MALRD1: variants seen among roughly 807,000 people sequenced by gnomAD.
MALRD1 encodes the protein MAM and LDL receptor class A domain containing 1, also known as MAM and LDL-receptor class A domain-containing protein 1.
A neutral mutation model predicts 242.1 loss-of-function variants in MALRD1; 247 were observed. That is an observed-to-expected ratio of 1.02 (90% confidence interval 0.92 to 1.13). The LOEUF (loss-of-function observed/expected upper bound fraction) is 1.13, where lower values mean the gene tolerates loss of function less well. Ranked by LOEUF, MALRD1 falls within the 50% of genes most tolerant of loss-of-function variation. The pLI, the probability that MALRD1 is intolerant of heterozygous loss-of-function variation, is 0.00. For synonymous variants in MALRD1, 995 were observed against 866.6 expected (o/e 1.15, Z -2.60); for missense variants, 2,989 against 2,533.1 (o/e 1.18, Z -3.86).
At chr10:19,456,004 C>G (rs7100706) in intron 29 of MALRD1, among the ~76,000 whole-genome samples, 10,184 of 152,134 alleles carry the variant, frequency 0.067, 1,077 homozygotes, top group African/African-American at 0.23. Context: ...CCCAGGACCT[C>G]AGGGTAGAAT....
At chr10:19,176,219 C>A (rs1202730710) in intron 14 of MALRD1, among the ~76,000 whole-genome samples, 1 of 151,860 alleles carries the variant, frequency 6.6e-6, no homozygotes, top group African/African-American at 2.4e-5. Flanking sequence ...TTAGTGAGTG[C>A]AACAGTTGTA....
intron 21 of MALRD1, among the ~76,000 whole-genome samples, chr10:19,316,147 C>CTAAGGAGTTTCCTTAGTAA (rs1842697328): frequency 6.7e-6 from 1 of 149,630 alleles, no homozygotes; most frequent in African/African-American, 2.5e-5. Flanking sequence ...AGTAAATTTA[C>CTAAGGAGTTTCCTTAGTAA]ATAATTTACT....
chr10:19,168,196 G>A (rs1834780914), intron 13 of MALRD1, among the ~76,000 whole-genome samples: 1 of 152,116 alleles, frequency 6.6e-6, no homozygotes, highest in South Asian at 2.1e-4. Flanking sequence ...CATATTTAAT[G>A]GACAAAGACG....
intron 33 of MALRD1, among the ~76,000 whole-genome samples, chr10:19,584,905 G>T (rs944473389): frequency 1.1e-4 from 16 of 151,734 alleles, no homozygotes; most frequent in Non-Finnish European, 1.9e-4. Flanking sequence ...GAATCTGGGT[G>T]CTCCTGTATT....
intron 31 of MALRD1, among the ~76,000 whole-genome samples, chr10:19,529,934 A>T (rs1390114903): frequency 2.0e-5 from 3 of 152,112 alleles, no homozygotes; most frequent in Admixed American, 1.3e-4. Flanking sequence ...AATATGTTCT[A>T]TGTACATGCA....
At position 19,409,462 on chromosome 10, in the gene MALRD1, A is replaced by G. The variant is rs141040835; in HGVS notation, c.4845+19853A>G. 3.0e-3 allele frequency among the ~76,000 whole-genome samples: 452 copies of G among 152,310 alleles called. 2 individuals are homozygous for G. The highest frequency in any genetic ancestry group is 0.011 in the African/African-American group (443 of 41,578). On this transcript the variant is annotated intron_variant, in intron 28 of 39. Transcript: ENST00000454679. ...AGAGTGAGACCCCATCTTTAAAAAA[A>G]ATAAATGAAAATAAATAGATAACAT...
chr10:19,252,116 T>C (rs916243313), intron 18 of MALRD1, among the ~76,000 whole-genome samples: 2 of 152,080 alleles, frequency 1.3e-5, no homozygotes, highest in Admixed American at 6.6e-5. Flanking sequence ...AACGAACTAA[T>C]AAAGTAGGTG....
At chr10:19,202,366 A>T (rs1221229029) in intron 14 of MALRD1, among the ~76,000 whole-genome samples, 1 of 152,188 alleles carries the variant, frequency 6.6e-6, no homozygotes, top group Admixed American at 6.5e-5. Flanking sequence ...TAGATATTTC[A>T]TAGAAAGTAT....
intron 19 of MALRD1, among the ~76,000 whole-genome samples, chr10:19,261,866 T>G (rs1839765890): frequency 6.6e-6 from 1 of 151,582 alleles, no homozygotes; most frequent in South Asian, 2.1e-4. Context: ...TTGACTTTCT[T>G]CTTAAACTTC....
At chr10:19,204,729 C>T (rs938608750) in intron 16 of MALRD1, among the ~76,000 whole-genome samples, 169 bp from the exon 17 acceptor site, 4 of 152,034 alleles carry the variant, frequency 2.6e-5, no homozygotes, top group African/African-American at 9.7e-5. Flanking sequence ...AGAGTGTGTG[C>T]CTCAGTAGAT....
At chr10:19,461,963 T>C (rs1285035722) in intron 29 of MALRD1, among the ~76,000 whole-genome samples, 1 of 152,164 alleles carries the variant, frequency 6.6e-6, no homozygotes. Context: ...CCTTTAGTTT[T>C]ATTTCTAAAT....
At chr10:19,677,823 C>A (rs1329162156) in intron 36 of MALRD1, among the ~76,000 whole-genome samples, 1 of 152,092 alleles carries the variant, frequency 6.6e-6, no homozygotes, top group African/African-American at 2.4e-5. Flanking sequence ...AGTCTTTAAT[C>A]CATCTTGAAT....
At chr10:19,407,381 C>T (rs775478992) in intron 28 of MALRD1, among the ~76,000 whole-genome samples, 1 of 152,164 alleles carries the variant, frequency 6.6e-6, no homozygotes, top group Non-Finnish European at 1.5e-5. Flanking sequence ...ACTCAGGACG[C>T]TGAGGTGGGA....
chr10:19,601,560 G>A (rs1191659865), intron 34 of MALRD1, among the ~76,000 whole-genome samples: 5 of 151,970 alleles, frequency 3.3e-5, no homozygotes, highest in Non-Finnish European at 7.4e-5. Context: ...TAAAGCCAAA[G>A]TCAGTTTTTA....
chr10:19,151,794 C>CT (rs2131457116), intron 11 of MALRD1, among the ~76,000 whole-genome samples: 1 of 152,226 alleles, frequency 6.6e-6, no homozygotes, highest in Non-Finnish European at 1.5e-5. Flanking sequence ...GTCAGATTAT[C>CT]TTTTTTGTCT....
intron 31 of MALRD1, among the ~76,000 whole-genome samples, chr10:19,530,417 TAATA>T (rs1455129540): frequency 5.8e-5 from 1 of 17,208 alleles, no homozygotes; most frequent in African/African-American, 1.5e-4. Flanking sequence ...ATTTATATAA[TAATA>T]AATATATAAT....
intron 32 of MALRD1, 76 bp from the exon 33 acceptor site, chr10:19,567,426 C>A (rs1228138396): frequency 9.6e-6 from 12 of 1,247,068 alleles, no homozygotes; most frequent in Non-Finnish European, 1.4e-5. Context: ...AGATTTCATT[C>A]TTTCATCAAT....
At chr10:19,702,440 C>T (rs1159845314) in intron 38 of MALRD1, among the ~76,000 whole-genome samples, 2 of 152,196 alleles carry the variant, frequency 1.3e-5, no homozygotes, top group African/African-American at 2.4e-5. Context: ...ATGCTTTCCT[C>T]AGCAACAATG....
Position 19,726,042 on chromosome 10 carries a change from G to T in MALRD1, c.6315-4664G>T, listed in dbSNP as rs1342073738. The stretch of plus-strand genomic sequence containing the variant: ...CTTCATGATCTTGGATTTGGAAATT[G>T]ATTCTTTCTTAAATATGACACCAAA... On this transcript the variant is annotated intron_variant, in intron 38 of 39. Coordinates refer to ENST00000454679, the MANE Select transcript of MALRD1 (RefSeq NM_001142308.3). Among the ~76,000 whole-genome samples the T allele has an allele frequency of 2.0e-5, 3 of 152,068 alleles. No homozygotes were observed. The South Asian group carries it at 6.2e-4, about 32-fold the overall frequency.
Sources: gnomAD v4.1 joint callset for allele counts (sites outside exome capture counted in the v4.1 genomes callset) on GRCh38, gnomAD v4.1.1 for gene constraint, MANE v1.5 for transcripts, NCBI Gene and HGNC (gene_info 2026-07-23, HGNC 2026-07-21) for gene names.